Variants in FILIP1 observed in about 807,000 individuals in gnomAD.
FILIP1 encodes filamin A interacting protein 1, also known as filamin-A-interacting protein 1.
Under a neutral mutation model 102.1 loss-of-function variants are expected in FILIP1, and 61 were observed. The observed-to-expected ratio is 0.60, with a 90% CI of 0.49 to 0.74. The LOEUF (loss-of-function observed/expected upper bound fraction) is 0.74. Ranked by LOEUF, FILIP1 falls within the 30% of genes least tolerant of loss-of-function variation. The probability of loss-of-function intolerance (pLI) is 0.00; values close to 1 mark genes in which losing one functional copy is unlikely to be tolerated. For missense variants in FILIP1, 1,314 were observed against 1,441.2 expected, an observed-to-expected ratio of 0.91 and a Z score of 1.43; for synonymous variants, 491 against 526.9, an observed-to-expected ratio of 0.93 and a Z score of 0.93.
intron 2 of FILIP1, among the ~76,000 whole-genome samples, chr6:75,388,787 G>C (rs1004410134): frequency 8.5e-5 from 13 of 152,120 alleles, no homozygotes; most frequent in Admixed American, 3.3e-4. Flanking sequence ...TGAAATGATG[G>C]GGTTTTCTAA....
intron 2 of FILIP1, among the ~76,000 whole-genome samples, chr6:75,410,882 T>G (rs1284900652): frequency 6.6e-6 from 1 of 152,208 alleles, no homozygotes; most frequent in Non-Finnish European, 1.5e-5. Context: ...AATAAACATA[T>G]GTGTGCATGT....
chr6:75,305,571 T>G (rs953477121), downstream of FILIP1, among the ~76,000 whole-genome samples: 2 of 152,170 alleles, frequency 1.3e-5, no homozygotes, highest in Non-Finnish European at 2.9e-5. Context: ...GAATAGCTTT[T>G]AAGCAGATGA....
At chr6:75,368,298 G>A (rs1477381175) in intron 2 of FILIP1, among the ~76,000 whole-genome samples, 2 of 152,224 alleles carry the variant, frequency 1.3e-5, no homozygotes, top group Admixed American at 1.3e-4. Flanking sequence ...GGGCCCACAG[G>A]TGAGTGTGCG....
At chr6:75,420,120 C>T (rs1028767304) in intron 1 of FILIP1, among the ~76,000 whole-genome samples, 1 of 152,142 alleles carries the variant, frequency 6.6e-6, no homozygotes, top group South Asian at 2.1e-4. Flanking sequence ...AAGGGATTCT[C>T]TTGGAGTCAC....
chr6:75,350,491 ACTT>A (rs1774760666), intron 4 of FILIP1, among the ~76,000 whole-genome samples: 1 of 151,426 alleles, frequency 6.6e-6, no homozygotes, highest in Non-Finnish European at 1.5e-5. Flanking sequence ...AAATTAAACA[ACTT>A]CTATGAGAGA....
chr6:75,451,749 G>A (rs1219354426), intron 1 of FILIP1, among the ~76,000 whole-genome samples: 3 of 152,028 alleles, frequency 2.0e-5, no homozygotes, highest in Non-Finnish European at 2.9e-5. Flanking sequence ...CAGGAGAATC[G>A]CTTGAACCCA....
chr6:75,435,355 G>A (rs184265017), intron 1 of FILIP1, among the ~76,000 whole-genome samples: 1 of 152,266 alleles, frequency 6.6e-6, no homozygotes, highest in African/African-American at 2.4e-5. Flanking sequence ...TTCAGAAGAT[G>A]ATTTTAAATC....
chr6:75,426,264 T>C (rs1415370967), intron 1 of FILIP1, among the ~76,000 whole-genome samples: 1 of 151,914 alleles, frequency 6.6e-6, no homozygotes, highest in African/African-American at 2.4e-5. Flanking sequence ...GAAAAAAAAA[T>C]GCCACTTCTT....
chr6:75,377,392 C>T (rs562855154), intron 2 of FILIP1, among the ~76,000 whole-genome samples: 154 of 152,242 alleles, frequency 1.0e-3, no homozygotes, highest in African/African-American at 3.5e-3. Flanking sequence ...TATATTGGAC[C>T]AGAGATGGGA....
At chr6:75,337,565 G>T (rs1226370218) in intron 4 of FILIP1, among the ~76,000 whole-genome samples, 1 of 150,616 alleles carries the variant, frequency 6.6e-6, no homozygotes. Flanking sequence ...TTTTGTAGCA[G>T]AGCAGGGTGT....
downstream of FILIP1, among the ~76,000 whole-genome samples, chr6:75,304,171 T>G (rs1772918561): frequency 6.6e-6 from 1 of 152,182 alleles, no homozygotes. Flanking sequence ...ATAATCATAG[T>G]ATACTACTTG....
intron 2 of FILIP1, among the ~76,000 whole-genome samples, chr6:75,407,518 G>A (rs749915292): frequency 2.6e-5 from 4 of 152,226 alleles, no homozygotes; most frequent in Non-Finnish European, 2.9e-5. Flanking sequence ...GAGCCACCGC[G>A]CCCGACCTTA....
chr6:75,296,361 GTGTGTGTGTGTGTGTGTGTGT>G (rs1772671980), intron 6 of FILIP1, among the ~76,000 whole-genome samples: 2 of 151,016 alleles, frequency 1.3e-5, no homozygotes, highest in African/African-American at 4.9e-5. Context: ...GTGTGTGTGT[GTGTGTGTGTGTGTGTGTGTGT>G]GGATTAGAGT....
intron 1 of FILIP1, among the ~76,000 whole-genome samples, chr6:75,469,332 T>C (rs1013751709): frequency 4.6e-5 from 7 of 152,062 alleles, no homozygotes; most frequent in African/African-American, 1.2e-4. Context: ...CAAGTGCTAA[T>C]TGAATAGCAT....
chr6:75,381,868 G>C (rs1775915034), intron 2 of FILIP1, among the ~76,000 whole-genome samples: 1 of 152,144 alleles, frequency 6.6e-6, no homozygotes, highest in Non-Finnish European at 1.5e-5. Flanking sequence ...ATAAAGCTCA[G>C]ATAAAGTAAA....
At chr6:75,388,348 T>C (rs1442742995) in intron 2 of FILIP1, among the ~76,000 whole-genome samples, 1 of 152,222 alleles carries the variant, frequency 6.6e-6, no homozygotes, top group African/African-American at 2.4e-5. Context: ...TGCTTAGGAT[T>C]TTCTTGGCTA....
intron 1 of FILIP1, among the ~76,000 whole-genome samples, chr6:75,438,833 G>A (rs943999731): frequency 6.6e-6 from 1 of 152,126 alleles, no homozygotes; most frequent in Admixed American, 6.5e-5. Flanking sequence ...TCTACTCATG[G>A]ACTCTTTATT....
intron 4 of FILIP1, chr6:75,319,831 C>A (rs111892690): frequency 0.62 from 212,995 of 343,806 alleles, 65,683 homozygotes; most frequent in African/African-American, 0.73. Context: ...CTCCGTCCCC[C>A]AAAAAAAAAA....
intron 1 of FILIP1, chr6:75,455,243 G>C (rs1778786911): frequency 6.6e-6 from 1 of 152,018 alleles, no homozygotes; most frequent in Admixed American, 6.6e-5. Flanking sequence ...ACAGAGAGGA[G>C]CCCAGGTTTA....
Sources: gnomAD v4.1 joint callset for allele counts (sites outside exome capture counted in the v4.1 genomes callset) on GRCh38, gnomAD v4.1.1 for gene constraint, MANE v1.5 for transcripts, NCBI Gene and HGNC (gene_info 2026-07-23, HGNC 2026-07-21) for gene names.